Variants in ASPH observed in about 807,000 individuals in gnomAD.
The protein encoded by ASPH is aspartate beta-hydroxylase.
ASPH carries 100 observed loss-of-function variants against 118.4 expected under a neutral mutation model. That is an observed-to-expected ratio of 0.84 (90% confidence interval 0.72 to 1.00). The LOEUF is 1.00. Ranked by LOEUF, ASPH falls within the 50% of genes least tolerant of loss-of-function variation. The pLI is 0.00. For synonymous variants in ASPH, 315 were observed against 325.6 expected (o/e 0.97, Z 0.35); for missense variants, 920 against 919.5 (o/e 1.00, Z -0.01).
chr8:61,704,068 G>A lies in ASPH; in HGVS notation c.103+10201C>T, dbSNP rs371864927. Reference sequence around the variant, plus strand: ...AAATTAGCCGGGCGTAGTGGCGGGCGCCTGTAGTCCCAGCTACTTGGGAGG... The same window carrying A: ...AAATTAGCCGGGCGTAGTGGCGGGCACCTGTAGTCCCAGCTACTTGGGAGG... On this transcript the variant is annotated intron_variant, in intron 1 of 24. Coordinates refer to ENST00000379454, the MANE Select transcript of ASPH (RefSeq NM_004318.4). Among the ~76,000 whole-genome samples, 1,031 of 150,154 alleles carry A rather than the reference G, an allele frequency of 6.9e-3. 1 individual carries two copies. The highest frequency in any genetic ancestry group is 0.014 in the Middle Eastern group (4 of 290).
intron 16 of ASPH, among the ~76,000 whole-genome samples, chr8:61,571,250 A>G (rs571016565): frequency 6.6e-6 from 1 of 152,338 alleles, no homozygotes; most frequent in Non-Finnish European, 1.5e-5. Context: ...GCATAATAGC[A>G]TAGAGATAAA....
chr8:61,578,181 G>A (rs1235336604), intron 15 of ASPH: 53 of 1,538,842 alleles, frequency 3.4e-5, no homozygotes, highest in Admixed American at 5.9e-5. Context: ...TAGGATCTCC[G>A]CCTGGTTCGG....
At chr8:61,577,294 G>C (rs1449411515) in intron 15 of ASPH, among the ~76,000 whole-genome samples, 3 of 149,780 alleles carry the variant, frequency 2.0e-5, no homozygotes, top group Admixed American at 6.7e-5. Context: ...TAACAAACCT[G>C]CACATGGTGC....
intron 3 of ASPH, chr8:61,657,672 C>A (rs1413979514): frequency 5.9e-5 from 9 of 152,130 alleles, no homozygotes; most frequent in Admixed American, 5.9e-4. Flanking sequence ...AGAAAGGTGA[C>A]TGAGGCACCA....
At chr8:61,698,758 C>T (rs1233378917) in intron 1 of ASPH, among the ~76,000 whole-genome samples, 2 of 152,098 alleles carry the variant, frequency 1.3e-5, no homozygotes, top group Non-Finnish European at 2.9e-5. Flanking sequence ...CTCTGGGAGA[C>T]CACAAGGGTT....
Position 61,579,254 on chromosome 8 carries a change from C to T in ASPH, c.1063-2396G>A, listed in dbSNP as rs1379894018. 3.1e-6 allele frequency: 5 copies of T among 1,613,918 alleles called. No homozygotes were observed. In the African/African-American group the frequency reaches 5.3e-5, roughly 17 times the overall value. On this transcript the variant is annotated intron_variant, in intron 15 of 24. Transcript: ENST00000379454. ...ATGCCGAGCAGCGTGGAGAGCTGGCCATTAAGGATGCCAACGCCAAGTTGT... is the reference window on the plus strand; with the variant it reads ...ATGCCGAGCAGCGTGGAGAGCTGGCTATTAAGGATGCCAACGCCAAGTTGT...
rs1026486043 is a variant in ASPH, at chr8:61,573,108, C to G, written c.1149+3664G>C. Among the ~76,000 whole-genome samples the G allele has an allele frequency of 4.6e-5, 7 of 152,270 alleles. No individual in the cohort carries two copies. In the East Asian group the frequency reaches 1.4e-3, roughly 29 times the overall value. On this transcript the variant is annotated intron_variant, in intron 16 of 24. Transcript: ENST00000379454. Reference sequence around the variant, plus strand: ...GCCAAATCATGAGTGAACTCCCGTTCACGATTGCTTCAAAGAGAATTCAAC... The same window carrying G: ...GCCAAATCATGAGTGAACTCCCGTTGACGATTGCTTCAAAGAGAATTCAAC...
intron 12 of ASPH, among the ~76,000 whole-genome samples, chr8:61,634,047 T>TA (rs1413531132): frequency 1.3e-5 from 2 of 152,212 alleles, no homozygotes; most frequent in Non-Finnish European, 2.9e-5. Context: ...TCAGATTTGA[T>TA]AAGAGAGCTG....
At chr8:61,670,094 G>GTTT in intron 3 of ASPH, among the ~76,000 whole-genome samples, 1 of 151,768 alleles carries the variant, frequency 6.6e-6, no homozygotes, top group South Asian at 2.1e-4. Context: ...GACATAAAAA[G>GTTT]GACCAAGCTA....
At chr8:61,514,591 C>A (rs1397520752) in intron 24 of ASPH, among the ~76,000 whole-genome samples, 1 of 152,024 alleles carries the variant, frequency 6.6e-6, no homozygotes, top group Non-Finnish European at 1.5e-5. Context: ...TGCCTGTAGT[C>A]CCAGCTACTT....
At chr8:61,562,973 G>C in intron 17 of ASPH, 93 bp from the exon 18 acceptor site, 1 of 1,278,090 alleles carries the variant, frequency 7.8e-7, no homozygotes, top group Non-Finnish European at 1.0e-6. Flanking sequence ...CTATTCACCA[G>C]AGCCTGAGAA....
At chr8:61,508,348 A>C (rs549723599) in intron 24 of ASPH, among the ~76,000 whole-genome samples, 1 of 151,974 alleles carries the variant, frequency 6.6e-6, no homozygotes, top group Non-Finnish European at 1.5e-5. Flanking sequence ...TAAGAGAAGA[A>C]AGTCTCTCTC....
At chr8:61,565,904 T>G (rs1009433751) in intron 17 of ASPH, among the ~76,000 whole-genome samples, 1 of 152,220 alleles carries the variant, frequency 6.6e-6, no homozygotes, top group Non-Finnish European at 1.5e-5. Flanking sequence ...AAATCTACTC[T>G]ACTTGTGCTC....
intron 1 of ASPH, among the ~76,000 whole-genome samples, chr8:61,701,349 T>C (rs146462452): frequency 1.8e-4 from 27 of 152,370 alleles, no homozygotes; most frequent in African/African-American, 5.5e-4. Flanking sequence ...TAGTGAACTG[T>C]GCTCTTACTC....
intron 3 of ASPH, among the ~76,000 whole-genome samples, chr8:61,677,854 T>G (rs1023191812): frequency 6.6e-6 from 1 of 152,158 alleles, no homozygotes; most frequent in Non-Finnish European, 1.5e-5. Flanking sequence ...CATATAAAAC[T>G]TTTCCATCCT....
intron 3 of ASPH, chr8:61,660,486 C>T (rs966833263): frequency 3.3e-5 from 5 of 152,122 alleles, no homozygotes; most frequent in Non-Finnish European, 7.3e-5. Flanking sequence ...TTCTTATCTC[C>T]CACCCCATAA....
At chr8:61,588,054 G>A (rs1452805695) in intron 14 of ASPH, among the ~76,000 whole-genome samples, 4 of 152,096 alleles carry the variant, frequency 2.6e-5, no homozygotes, top group Non-Finnish European at 5.9e-5. Context: ...TTTAAATTAT[G>A]TTCATAATCT....
At chr8:61,610,406 G>A (rs149759891) in intron 14 of ASPH, among the ~76,000 whole-genome samples, 1 of 152,308 alleles carries the variant, frequency 6.6e-6, no homozygotes, top group African/African-American at 2.4e-5. Context: ...GATATATGCT[G>A]AGCTTATTTC....
chr8:61,537,988 T>C (rs1201141857), intron 21 of ASPH, among the ~76,000 whole-genome samples: 3 of 152,232 alleles, frequency 2.0e-5, no homozygotes, highest in African/African-American at 7.2e-5. Flanking sequence ...GCCTCAGCCG[T>C]GTGGACTCTT....
Sources: allele counts gnomAD v4.1 joint callset (sites outside exome capture counted in the v4.1 genomes callset), GRCh38; gene constraint gnomAD v4.1.1; transcripts MANE v1.5; gene names NCBI Gene and HGNC (gene_info 2026-07-23, HGNC 2026-07-21).